CTNNA2: variants seen among roughly 807,000 people sequenced by gnomAD.
CTNNA2 encodes the protein catenin alpha 2.
In CTNNA2, 42 loss-of-function variants were observed where a neutral mutation model predicts 101.0. The observed-to-expected ratio is 0.42, with a 90% CI of 0.32 to 0.54. The LOEUF (loss-of-function observed/expected upper bound fraction) is 0.54, where lower values mean the gene tolerates loss of function less well. Ranked by LOEUF, CTNNA2 falls within the 20% of genes least tolerant of loss-of-function variation. CTNNA2 has a pLI of 0.14. For synonymous variants in CTNNA2, 450 were observed against 456.4 expected (o/e 0.99, Z 0.18); for missense variants, 871 against 1,223.1 (o/e 0.71, Z 4.29).
At chr2:79,625,533 A>T (rs1448651344) in intron 1 of CTNNA2, among the ~76,000 whole-genome samples, 1 of 152,214 alleles carries the variant, frequency 6.6e-6, no homozygotes, top group Non-Finnish European at 1.5e-5. Flanking sequence ...TATGCCTCGC[A>T]TGCAGATAAA....
intron 3 of CTNNA2, among the ~76,000 whole-genome samples, chr2:79,316,951 GC>G (rs1263616731): frequency 6.6e-6 from 1 of 151,896 alleles, no homozygotes; most frequent in Non-Finnish European, 1.5e-5. Context: ...ATTGAAAAAA[GC>G]AGACGTTCAT....
At chr2:79,421,713 A>G (rs1678541912) in intron 4 of CTNNA2, among the ~76,000 whole-genome samples, 1 of 152,146 alleles carries the variant, frequency 6.6e-6, no homozygotes, top group Non-Finnish European at 1.5e-5. Context: ...ATTTCTATAT[A>G]GTAGCAACTT....
At chr2:80,296,340 C>T (rs572390406) in intron 7 of CTNNA2, among the ~76,000 whole-genome samples, 1 of 152,194 alleles carries the variant, frequency 6.6e-6, no homozygotes, top group South Asian at 2.1e-4. Context: ...TTCTCATTTT[C>T]CTTCTTGTTA....
At chr2:80,020,993 C>CTTTTTTTTT (rs869061321) in intron 7 of CTNNA2, among the ~76,000 whole-genome samples, 1 of 89,358 alleles carries the variant, frequency 1.1e-5, no homozygotes, top group African/African-American at 4.9e-5. Flanking sequence ...GACCAATCAT[C>CTTTTTTTTT]TTTTTTTTTT....
intron 4 of CTNNA2, among the ~76,000 whole-genome samples, chr2:79,489,185 A>G (rs1406272138): frequency 1.3e-5 from 2 of 151,858 alleles, no homozygotes; most frequent in Non-Finnish European, 1.5e-5. Flanking sequence ...CTTTTTCTCA[A>G]TGTGATTTCT....
intron 7 of CTNNA2, among the ~76,000 whole-genome samples, chr2:80,331,024 T>G (rs200869782): frequency 0.2 from 20,253 of 101,350 alleles, 1,529 homozygotes; most frequent in African/African-American, 0.38. Flanking sequence ...ACTGTATGTT[T>G]TTTTTTTTTT....
intron 1 of CTNNA2, among the ~76,000 whole-genome samples, chr2:79,520,711 A>C (rs903438724): frequency 1.3e-5 from 2 of 152,176 alleles, no homozygotes. Context: ...AAATATACAA[A>C]TATCTAATGA....
chr2:79,658,638 A>C (rs1312092234), intron 2 of CTNNA2, among the ~76,000 whole-genome samples: 2 of 151,834 alleles, frequency 1.3e-5, no homozygotes, highest in Non-Finnish European at 2.9e-5. Context: ...ACTGGCCATC[A>C]AAATGAGTTG....
intron 2 of CTNNA2, among the ~76,000 whole-genome samples, chr2:79,280,453 C>G (rs1405084845): frequency 6.6e-6 from 1 of 152,012 alleles, no homozygotes; most frequent in Non-Finnish European, 1.5e-5. Flanking sequence ...ACAGCCAAAC[C>G]AGTTGTAGGG....
intron 2 of CTNNA2, among the ~76,000 whole-genome samples, chr2:79,304,603 G>A (rs376748786): frequency 6.6e-6 from 1 of 152,136 alleles, no homozygotes; most frequent in East Asian, 1.9e-4. Flanking sequence ...CATAGAATGA[G>A]GGAAAAGATC....
intron 15 of CTNNA2, among the ~76,000 whole-genome samples, chr2:80,592,427 A>C (rs184753965): frequency 2.4e-4 from 37 of 152,262 alleles, no homozygotes; most frequent in African/African-American, 8.9e-4. Context: ...TCCAAGGCCT[A>C]CCTTTCTTGA....
intron 1 of CTNNA2, among the ~76,000 whole-genome samples, chr2:79,545,408 A>G (rs906006620): frequency 1.3e-5 from 2 of 152,178 alleles, no homozygotes; most frequent in Admixed American, 1.3e-4. Flanking sequence ...GATGGAGCCC[A>G]CATCCGTGAT....
At chr2:79,890,037 A>T (rs1396680034) in intron 6 of CTNNA2, among the ~76,000 whole-genome samples, 3 of 152,192 alleles carry the variant, frequency 2.0e-5, no homozygotes, top group Non-Finnish European at 4.4e-5. Context: ...GAATACTAAG[A>T]ATGTAAGTTT....
chr2:79,997,638 T>C (rs1692652872), intron 7 of CTNNA2, among the ~76,000 whole-genome samples: 1 of 152,170 alleles, frequency 6.6e-6, no homozygotes, highest in African/African-American at 2.4e-5. Context: ...CGTATACAAC[T>C]CTTTCATCCT....
intron 7 of CTNNA2, among the ~76,000 whole-genome samples, chr2:80,200,501 C>T (rs1311441725): frequency 6.6e-6 from 1 of 150,760 alleles, no homozygotes; most frequent in Non-Finnish European, 1.5e-5. Flanking sequence ...TAAACCTATG[C>T]ATGGACATAT....
chr2:79,896,132 CATT>C (rs1304243132), intron 6 of CTNNA2, among the ~76,000 whole-genome samples: 1 of 151,928 alleles, frequency 6.6e-6, no homozygotes, highest in Non-Finnish European at 1.5e-5. Flanking sequence ...AAAATACAAA[CATT>C]AGCCAGGTGT....
intron 3 of CTNNA2, among the ~76,000 whole-genome samples, chr2:79,338,801 G>T (rs1295305594): frequency 6.6e-6 from 1 of 152,060 alleles, no homozygotes; most frequent in Non-Finnish European, 1.5e-5. Flanking sequence ...TCTGGGAGTG[G>T]TAAAATCAAC....
At chr2:79,815,378 A>G (rs1353429721) in intron 3 of CTNNA2, among the ~76,000 whole-genome samples, 1 of 152,150 alleles carries the variant, frequency 6.6e-6, no homozygotes, top group Non-Finnish European at 1.5e-5. Context: ...TTTCAATGTT[A>G]TCATTGAGAA....
At chr2:79,273,828 A>T (rs1675143995) in intron 2 of CTNNA2, among the ~76,000 whole-genome samples, 1 of 151,398 alleles carries the variant, frequency 6.6e-6, no homozygotes, top group Non-Finnish European at 1.5e-5. Context: ...TCTAAATGGG[A>T]AAAGGGTTTT....
Sources: allele counts gnomAD v4.1 joint callset (sites outside exome capture counted in the v4.1 genomes callset), GRCh38; gene constraint gnomAD v4.1.1; transcripts MANE v1.5; gene names NCBI Gene and HGNC (gene_info 2026-07-23, HGNC 2026-07-21).